PTPRN2: variants seen among roughly 807,000 people sequenced by gnomAD.
PTPRN2 encodes receptor-type tyrosine-protein phosphatase N2.
In PTPRN2, 74 loss-of-function variants were observed where a neutral mutation model predicts 118.8. The ratio of observed to expected loss-of-function variants is 0.62; its 90% CI spans 0.52 to 0.76. The LOEUF (loss-of-function observed/expected upper bound fraction) is 0.76. PTPRN2 is among the 30% of genes least tolerant of loss of function. PTPRN2 has a pLI of 0.00. For synonymous variants in PTPRN2, 641 were observed against 608.0 expected (o/e 1.05, Z -0.80); for missense variants, 1,481 against 1,394.4 (o/e 1.06, Z -0.99).
At chr7:158,282,469 T>C (rs1799492042) in intron 3 of PTPRN2, among the ~76,000 whole-genome samples, 1 of 152,222 alleles carries the variant, frequency 6.6e-6, no homozygotes, top group Non-Finnish European at 1.5e-5. Context: ...CTGGCTCAGA[T>C]GTCCACAGCC....
chr7:157,733,794 C>T (rs1800106957), intron 12 of PTPRN2, among the ~76,000 whole-genome samples: 2 of 32,836 alleles, frequency 6.1e-5, no homozygotes. Flanking sequence ...CCGTCCCACG[C>T]GCCCAGCACA....
chr7:157,650,319 G>C (rs1482466626), intron 14 of PTPRN2, among the ~76,000 whole-genome samples: 1 of 152,252 alleles, frequency 6.6e-6, no homozygotes, highest in East Asian at 1.9e-4. Context: ...TGGGAAGGGG[G>C]GACTATGTAC....
chr7:158,342,183 C>T lies in PTPRN2; in HGVS notation c.164-25251G>A, dbSNP rs559126745. Among the ~76,000 whole-genome samples the T allele has an allele frequency of 3.2e-4, 47 of 146,342 alleles. 1 individual carries two copies. The highest frequency in any genetic ancestry group is 1.1e-3 in the African/African-American group (42 of 38,438). ...CCCACACTCTCACCATAAGAGCCGACGCCCACAGACGTCACTCACACCCAC... is the reference window on the plus strand; with the variant it reads ...CCCACACTCTCACCATAAGAGCCGATGCCCACAGACGTCACTCACACCCAC... On this transcript the variant is annotated intron_variant, in intron 2 of 22. Transcript: ENST00000389418.
rs79619583 is a variant in PTPRN2, at chr7:158,315,735, G to A, written c.277+1084C>T. 2.0e-3 allele frequency among the ~76,000 whole-genome samples: 311 copies of A among 152,368 alleles called. 4 individuals are homozygous for A. Among genetic ancestry groups the A allele is most frequent in the African/African-American group, 7.0e-3 (293 of 41,584 alleles). On this transcript the variant is annotated intron_variant, in intron 3 of 22. Coordinates refer to ENST00000389418, the MANE Select transcript of PTPRN2 (RefSeq NM_002847.5). ...CGGAGAGAATATGGTTGGAAACATT[G>A]TTGACAAGGGCAACTGGGGAAGAGA... is the stretch of plus-strand genomic sequence containing the variant.
chr7:157,852,507 A>G (rs1162410823), intron 12 of PTPRN2, among the ~76,000 whole-genome samples: 1 of 152,242 alleles, frequency 6.6e-6, no homozygotes, highest in Non-Finnish European at 1.5e-5. Context: ...AACACATTCA[A>G]TGGTGAAGGA....
chr7:157,970,993 G>A lies in PTPRN2; in HGVS notation c.1724-72256C>T, dbSNP rs199888952. 4.8e-3 allele frequency among the ~76,000 whole-genome samples: 727 copies of A among 152,256 alleles called. 19 individuals are homozygous for A. The South Asian group carries it at 0.068, about 14-fold the overall frequency. On this transcript the variant is annotated intron_variant, in intron 11 of 22. Transcript: ENST00000389418. ...AAGCAGCTGAAATCCCATTTACCCA[G>A]TAAAGTCAGCTGAAATAATCCTAGA...
chr7:158,523,590 CATCTGCCCTGGAGCAGA>C (rs1287118180), intron 1 of PTPRN2, among the ~76,000 whole-genome samples: 28 of 123,804 alleles, frequency 2.3e-4, no homozygotes, highest in African/African-American at 6.6e-4. Flanking sequence ...GGAGTGGAGT[CATCTGCCCTGGAGCAGA>C]GTCTGCCCTG....
chr7:157,799,353 C>T (rs1365630310), intron 12 of PTPRN2, among the ~76,000 whole-genome samples: 2 of 152,094 alleles, frequency 1.3e-5, no homozygotes, highest in Non-Finnish European at 2.9e-5. Flanking sequence ...GACCCCACAT[C>T]GCCATCTCTT....
rs115116994 is a variant in PTPRN2 at position 157,544,553 on chromosome 7, C to T, written c.2977-3768G>A. On this transcript the variant is annotated intron_variant, in intron 22 of 22. Transcript: ENST00000389418. The stretch of plus-strand genomic sequence containing the variant: ...GGCCTCCCGTCCAGTGAGGAGGGGG[C>T]GGGGCCTCCCGTCCAGTGAGGAGGG... Among the ~76,000 whole-genome samples, 244 of 152,260 alleles carry T rather than the reference C, an allele frequency of 1.6e-3. 1 individual carries two copies. The highest frequency in any genetic ancestry group is 5.1e-3 in the African/African-American group (214 of 41,558).
At chr7:158,449,982 C>T (rs1241549011) in intron 2 of PTPRN2, among the ~76,000 whole-genome samples, 1 of 152,236 alleles carries the variant, frequency 6.6e-6, no homozygotes, top group African/African-American at 2.4e-5. Context: ...CTGGGTGACT[C>T]ACACAGAAAC....
intron 11 of PTPRN2, among the ~76,000 whole-genome samples, chr7:158,042,579 G>A (rs570145239): frequency 4.9e-4 from 74 of 152,296 alleles, no homozygotes; most frequent in African/African-American, 1.6e-3. Flanking sequence ...GCAGTATCCC[G>A]TCACGGCTGA....
chr7:157,900,325 T>C (rs549639231), intron 11 of PTPRN2, among the ~76,000 whole-genome samples: 2 of 152,300 alleles, frequency 1.3e-5, no homozygotes, highest in East Asian at 3.9e-4. Context: ...AACCTTTATT[T>C]ACAACAGCAG....
chr7:158,257,165 A>G (rs368199987), intron 3 of PTPRN2, among the ~76,000 whole-genome samples: 1 of 152,232 alleles, frequency 6.6e-6, no homozygotes, highest in African/African-American at 2.4e-5. Flanking sequence ...TCTGTCTACC[A>G]CCCAGGTCAG....
intron 14 of PTPRN2, among the ~76,000 whole-genome samples, chr7:157,648,381 T>C (rs1292951176): frequency 9.2e-6 from 1 of 108,474 alleles, no homozygotes; most frequent in African/African-American, 3.3e-5. Flanking sequence ...CAGTGTGCAC[T>C]GAACTCGGTG....
intron 5 of PTPRN2, among the ~76,000 whole-genome samples, chr7:158,187,514 G>T (rs997738695): frequency 6.6e-6 from 1 of 152,142 alleles, no homozygotes; most frequent in Non-Finnish European, 1.5e-5. Flanking sequence ...CAGCGCTGCA[G>T]CCTCTGGTCA....
At chr7:157,551,808 C>T (rs1311619053) in intron 21 of PTPRN2, among the ~76,000 whole-genome samples, 5 of 143,794 alleles carry the variant, frequency 3.5e-5, no homozygotes, top group Non-Finnish European at 6.1e-5. Flanking sequence ...CCACCACGCA[C>T]CCCACAGCCA....
At chr7:158,342,117 A>T (rs1483202727) in intron 2 of PTPRN2, among the ~76,000 whole-genome samples, 1 of 142,536 alleles carries the variant, frequency 7.0e-6, no homozygotes, top group Non-Finnish European at 1.5e-5. Flanking sequence ...TCACACCCAC[A>T]CTCTCACCAT....
At chr7:158,032,627 C>T (rs576482966) in intron 11 of PTPRN2, among the ~76,000 whole-genome samples, 11 of 151,946 alleles carry the variant, frequency 7.2e-5, no homozygotes, top group Admixed American at 1.3e-4. Flanking sequence ...GAGCAAAGGA[C>T]GCATTGTGCA....
At chr7:158,535,517 C>T (rs1825595303) in intron 1 of PTPRN2, among the ~76,000 whole-genome samples, 1 of 152,132 alleles carries the variant, frequency 6.6e-6, no homozygotes, top group Non-Finnish European at 1.5e-5. Flanking sequence ...TGCGGCTGGA[C>T]TATTTGTCAA....
Sources: allele counts gnomAD v4.1 joint callset (sites outside exome capture counted in the v4.1 genomes callset), GRCh38; gene constraint gnomAD v4.1.1; transcripts MANE v1.5; gene names NCBI Gene and HGNC (gene_info 2026-07-23, HGNC 2026-07-21).